Variants in DNAH11 observed in about 807,000 individuals in gnomAD.
DNAH11 encodes axonemal beta dynein heavy chain 11.
DNAH11 carries 442 observed loss-of-function variants against 526.0 expected under a neutral mutation model. That is an observed-to-expected ratio of 0.84 (90% CI 0.78 to 0.91). The LOEUF (loss-of-function observed/expected upper bound fraction) is 0.91, where lower values mean the gene tolerates loss of function less well. Ranked by LOEUF, DNAH11 falls within the 40% of genes least tolerant of loss-of-function variation. DNAH11 has a pLI of 0.00. For synonymous variants in DNAH11, 2,461 were observed against 1,935.9 expected (o/e 1.27, Z -7.12); for missense variants, 6,989 against 5,448.7 (o/e 1.28, Z -8.90).
At chr7:21,875,171 A>G (rs1783656194) in intron 74 of DNAH11, among the ~76,000 whole-genome samples, 1 of 152,216 alleles carries the variant, frequency 6.6e-6, no homozygotes, top group Non-Finnish European at 1.5e-5. Flanking sequence ...ACTATTAAGT[A>G]TCTGCAATAT....
Position 21,801,248 on chromosome 7 carries a change from A to G in DNAH11, c.10138A>G (p.Asn3380Asp), listed in dbSNP as rs766787311. ...AACCAACAAAACCATCAAATTAGCT[A>G]ACAGACTTGTCAAGGAACTTGAGGC... ...NQTNKTIKLA[N>D]RLVKELEAKK... The change falls in exon 62 of 82, where the codon AAC (asparagine) becomes GAC (aspartate). Residue 3380 changes from asparagine (N) to aspartate (D), a missense_variant. Coordinates refer to ENST00000409508, the MANE Select transcript of DNAH11 (RefSeq NM_001277115.2). 2.5e-6 allele frequency: 4 copies of G among 1,613,938 alleles called. No individual in the cohort carries two copies. The highest frequency in any genetic ancestry group is 2.2e-5 in the South Asian group (2 of 91,050).
rs1785019380 is a variant in DNAH11, at chr7:21,600,099, C to T, written c.2980C>T (p.Leu994=). The T allele has an allele frequency of 2.6e-6, 4 of 1,536,216 alleles. No individual in the cohort carries two copies. The highest frequency in any genetic ancestry group is 3.5e-6 in the Non-Finnish European group (4 of 1,139,852). ...SAQMNRIATH[L]EIKNYQNDMD... ...CCAGATGAACCGAATAGCAACACAC[C>T]TGGAAATTAAAAATTATCAGGTATT... is the stretch of plus-strand genomic sequence containing the variant. Residue 994 remains leucine, a synonymous_variant, in exon 15 of 82, where the codon CTG becomes TTG. Coordinates refer to ENST00000409508, the MANE Select transcript of DNAH11 (RefSeq NM_001277115.2).
chr7:21,691,980 T>C (rs1329344600), intron 35 of DNAH11, among the ~76,000 whole-genome samples: 1 of 152,244 alleles, frequency 6.6e-6, no homozygotes. Flanking sequence ...TTTTCAAAAG[T>C]ACTCTGCCAA....
intron 30 of DNAH11, among the ~76,000 whole-genome samples, chr7:21,663,172 G>A (rs925038270): frequency 2.6e-5 from 4 of 152,032 alleles, no homozygotes; most frequent in Non-Finnish European, 4.4e-5. Flanking sequence ...TTTTTATGGT[G>A]GAGTAGTAGT....
chr7:21,637,240 C>T (rs1478811715), intron 26 of DNAH11, among the ~76,000 whole-genome samples: 9 of 151,714 alleles, frequency 5.9e-5, no homozygotes, highest in Non-Finnish European at 1.2e-4. Flanking sequence ...TTCTCCTCCC[C>T]CTCTGCCCCC....
chr7:21,605,215 C>G (rs1347550241), intron 18 of DNAH11, among the ~76,000 whole-genome samples: 1 of 152,132 alleles, frequency 6.6e-6, no homozygotes, highest in Non-Finnish European at 1.5e-5. Flanking sequence ...AATCGTTCAT[C>G]AAATATTTAC....
intron 68 of DNAH11, among the ~76,000 whole-genome samples, chr7:21,860,455 A>G (rs193216269): frequency 6.6e-6 from 1 of 152,326 alleles, no homozygotes; most frequent in East Asian, 1.9e-4. Flanking sequence ...TGTTTATTCA[A>G]AAGAATCAAA....
In DNAH11 at chr7:21,901,107, C is replaced by A; in HGVS notation, c.13404C>A (p.Asp4468Glu). The A allele has an allele frequency of 6.2e-7, 1 of 1,613,950 alleles. No individual in the cohort carries two copies. Among genetic ancestry groups the A allele is most frequent in the Non-Finnish European group, 8.5e-7 (1 of 1,179,860 alleles). ...TCTTTGCAAAAGCCACCCCCGTGGA[C>A]AGACAAGAAACCAAACAGACCTACG... ...PVIFAKATPVDRQETKQTYEC... is the reference protein window; with the variant it reads ...PVIFAKATPVERQETKQTYEC... Residue 4468 changes from aspartate to glutamate, a missense_variant, in exon 82 of 82, where the codon GAC becomes GAA. Transcript: ENST00000409508.
chr7:21,564,209 G>A lies in DNAH11; in HGVS notation c.1006G>A (p.Glu336Lys), dbSNP rs374332166. The A allele has an allele frequency of 1.4e-5, 22 of 1,600,236 alleles. No individual in the cohort carries two copies. Among genetic ancestry groups the A allele is most frequent in the South Asian group, 1.3e-4 (11 of 87,790 alleles). The change falls in exon 6 of 82, where the codon GAA becomes AAA. Residue 336 changes from glutamate to lysine, a missense_variant. Glu to Lys is a moderately conservative substitution (Grantham distance 56). Transcript: ENST00000409508. Reference protein sequence around the residue: ...ENALLEAQDVELYLRPLRRHI... With the variant: ...ENALLEAQDVKLYLRPLRRHI... ...AGCTCTTCTCGAAGCCCAAGATGTG[G>A]AACTTTACCTGAGACCTCTGAGGAG...
intron 25 of DNAH11, among the ~76,000 whole-genome samples, chr7:21,623,844 T>C (rs112104903): frequency 0.021 from 3,217 of 151,648 alleles, 50 homozygotes; most frequent in African/African-American, 0.03. Context: ...AGGGATAGCA[T>C]TAGGAGATAC....
intron 35 of DNAH11, among the ~76,000 whole-genome samples, chr7:21,694,334 T>A (rs1413469059): frequency 6.6e-6 from 1 of 152,180 alleles, no homozygotes; most frequent in East Asian, 1.9e-4. Flanking sequence ...TTTGTCCTAA[T>A]GATCTCCCTC....
At chr7:21,676,763 AC>A (rs1782908716) in intron 30 of DNAH11, among the ~76,000 whole-genome samples, 1 of 152,242 alleles carries the variant, frequency 6.6e-6, no homozygotes, top group African/African-American at 2.4e-5. Flanking sequence ...GTTACAATCA[AC>A]TTTATTTTAA....
In DNAH11 at chr7:21,604,312, G is replaced by T. The variant is rs372267286; in HGVS notation, c.3649-2114G>T. 1.3e-3 allele frequency among the ~76,000 whole-genome samples: 197 copies of T among 152,124 alleles called. 1 individual carries two copies. The highest frequency in any genetic ancestry group is 4.3e-3 in the African/African-American group (180 of 41,516). ...TGCTGTTAACACCCACTTTAATTCA[G>T]CTCTTGTTACTTCTCACCTCACAGC... On this transcript the variant is annotated intron_variant, in intron 18 of 81. Transcript: ENST00000409508.
intron 26 of DNAH11, among the ~76,000 whole-genome samples, chr7:21,636,922 T>C (rs1786890485): frequency 6.6e-6 from 1 of 152,278 alleles, no homozygotes; most frequent in Middle Eastern, 3.4e-3. Context: ...TTTCGGTTTT[T>C]CTTTTCTGTA....
Position 21,606,806 on chromosome 7 carries a change from A to G in DNAH11, c.3852+73A>G, listed in dbSNP as rs1371239154. 2.4e-6 allele frequency: 3 copies of G among 1,256,368 alleles called. No homozygotes were observed. The African/African-American group carries it at 4.5e-5, about 19-fold the overall frequency. The allele number at this position is 1,256,368 out of a possible 1,614,324, so 77.8% of individuals were successfully genotyped here. A position where few individuals can be genotyped will look rare whatever the true frequency, so the allele number is the denominator to read the frequency against. On this transcript the variant is annotated intron_variant, in intron 20 of 81. Coordinates refer to ENST00000409508, the MANE Select transcript of DNAH11 (RefSeq NM_001277115.2). ...AAAAATGTAAGTTTAGACACAAAATACTGCCACATTTTGTCTTTGTTTTGC... is the reference window on the plus strand; with the variant it reads ...AAAAATGTAAGTTTAGACACAAAATGCTGCCACATTTTGTCTTTGTTTTGC...
At chr7:21,631,392 A>T (rs181959367) in intron 25 of DNAH11, among the ~76,000 whole-genome samples, 1 of 152,196 alleles carries the variant, frequency 6.6e-6, no homozygotes, top group Non-Finnish European at 1.5e-5. Context: ...GTCTTAACTC[A>T]TTTCAGCATT....
intron 69 of DNAH11, among the ~76,000 whole-genome samples, chr7:21,862,326 T>C (rs1783096796): frequency 6.6e-6 from 1 of 152,132 alleles, no homozygotes; most frequent in African/African-American, 2.4e-5. Context: ...TCTCGGGTCC[T>C]GTAAAGAAAC....
intron 31 of DNAH11, among the ~76,000 whole-genome samples, chr7:21,683,046 G>T (rs2128472806): frequency 6.6e-6 from 1 of 152,254 alleles, no homozygotes; most frequent in East Asian, 1.9e-4. Flanking sequence ...ATGATTTCAA[G>T]TAGGATAAAT....
intron 61 of DNAH11, among the ~76,000 whole-genome samples, chr7:21,799,120 G>A (rs1788847792): frequency 6.6e-6 from 1 of 152,014 alleles, no homozygotes. Flanking sequence ...CACCCTTTGA[G>A]CTAGGTAACA....
Sources: allele counts gnomAD v4.1 joint callset (sites outside exome capture counted in the v4.1 genomes callset), GRCh38; gene constraint gnomAD v4.1.1; transcripts MANE v1.5; gene names NCBI Gene and HGNC (gene_info 2026-07-23, HGNC 2026-07-21).